LOC128092253: variants seen among roughly 807,000 people sequenced by gnomAD.
the LOC128092253 span, among the ~76,000 whole-genome samples, chr6:133,967,274 A>C: frequency 6.6e-6 from 1 of 152,242 alleles, no homozygotes; most frequent in Non-Finnish European, 1.5e-5. Flanking sequence ...CTGTAGAACA[A>C]GTGGGAGTGG....
chr6:133,970,935 C>T, the LOC128092253 span, among the ~76,000 whole-genome samples: 3 of 152,208 alleles, frequency 2.0e-5, no homozygotes, highest in Admixed American at 2.0e-4. Flanking sequence ...TTTATCATTT[C>T]TTTGTGGTAA....
the LOC128092253 span, among the ~76,000 whole-genome samples, chr6:133,978,221 G>A: frequency 6.6e-6 from 1 of 152,152 alleles, no homozygotes; most frequent in African/African-American, 2.4e-5. Context: ...GGGAAGTAGT[G>A]CTAAGAAATC....
chr6:133,970,841 G>T, the LOC128092253 span, among the ~76,000 whole-genome samples: 1 of 152,016 alleles, frequency 6.6e-6, no homozygotes, highest in Non-Finnish European at 1.5e-5. Flanking sequence ...ATTGACACAT[G>T]ATTGTACATA....
chr6:133,954,728 C>A, the LOC128092253 span, among the ~76,000 whole-genome samples: 1 of 152,140 alleles, frequency 6.6e-6, no homozygotes, highest in East Asian at 1.9e-4. Context: ...GTTTGTTCCC[C>A]ACCCCTTTTG....
the LOC128092253 span, among the ~76,000 whole-genome samples, chr6:133,966,068 CAGAG>C: frequency 3.4e-4 from 51 of 152,152 alleles, no homozygotes; most frequent in South Asian, 5.0e-3. Context: ...ACTTCAGAGA[CAGAG>C]AGAGACAGAA....
At chr6:133,975,866 A>G in the LOC128092253 span, among the ~76,000 whole-genome samples, 1 of 152,180 alleles carries the variant, frequency 6.6e-6, no homozygotes, top group Admixed American at 6.5e-5. Context: ...TTTAAGCTGA[A>G]TGATAGGTAC....
At chr6:133,969,251 C>CTTT in the LOC128092253 span, among the ~76,000 whole-genome samples, 53 of 122,540 alleles carry the variant, frequency 4.3e-4, no homozygotes, top group Non-Finnish European at 5.6e-4. Context: ...ATAAAATACA[C>CTTT]TTTTTTTTTT....
At chr6:133,963,677 T>C in the LOC128092253 span, among the ~76,000 whole-genome samples, 5 of 152,042 alleles carry the variant, frequency 3.3e-5, no homozygotes, top group Non-Finnish European at 7.4e-5. Context: ...CACCTTGGCC[T>C]CCCAAAGTGC....
the LOC128092253 span, among the ~76,000 whole-genome samples, chr6:133,962,812 C>T: frequency 1.3e-5 from 2 of 152,108 alleles, no homozygotes; most frequent in African/African-American, 4.8e-5. Flanking sequence ...AGTGTGTATA[C>T]AATTTCAGGG....
chr6:133,977,748 A>G, the LOC128092253 span, among the ~76,000 whole-genome samples: 1 of 151,706 alleles, frequency 6.6e-6, no homozygotes. Flanking sequence ...ATTAAGAAGA[A>G]CAGGGATAAT....
chr6:133,957,473 C>T, the LOC128092253 span, among the ~76,000 whole-genome samples: 1 of 152,186 alleles, frequency 6.6e-6, no homozygotes, highest in African/African-American at 2.4e-5. Context: ...GAACTTAAGT[C>T]TTACTTAAAA....
chr6:133,979,606 T>A, the LOC128092253 span, among the ~76,000 whole-genome samples: 1 of 152,198 alleles, frequency 6.6e-6, no homozygotes, highest in Non-Finnish European at 1.5e-5. Context: ...TCATGTTAGC[T>A]TTTTTAAAAA....
the LOC128092253 span, among the ~76,000 whole-genome samples, chr6:133,954,310 A>G: frequency 2.6e-5 from 4 of 152,192 alleles, no homozygotes; most frequent in African/African-American, 9.7e-5. Context: ...GACTTAAGAA[A>G]AGGGAGCAGG....
the LOC128092253 span, among the ~76,000 whole-genome samples, chr6:133,972,858 A>G: frequency 6.6e-6 from 1 of 152,180 alleles, no homozygotes; most frequent in African/African-American, 2.4e-5. Flanking sequence ...GGATAATAAT[A>G]TTTAATCCTT....
the LOC128092253 span, chr6:133,979,954 T>G: frequency 1.4e-6 from 1 of 737,146 alleles, no homozygotes; most frequent in Non-Finnish European, 1.9e-6. Context: ...GCCAGGGACA[T>G]GATTTGATTC....
the LOC128092253 span, among the ~76,000 whole-genome samples, chr6:133,962,266 G>C: frequency 1.3e-5 from 2 of 152,194 alleles, no homozygotes; most frequent in Admixed American, 6.5e-5. Context: ...TCTTCAGATA[G>C]GGAGACAATT....
chr6:133,977,564 A>G, the LOC128092253 span, among the ~76,000 whole-genome samples: 1 of 152,218 alleles, frequency 6.6e-6, no homozygotes, highest in Non-Finnish European at 1.5e-5. Context: ...TGATATAAAA[A>G]CAAGTAAAAT....
chr6:133,975,263 A>G, the LOC128092253 span, among the ~76,000 whole-genome samples: 1 of 152,024 alleles, frequency 6.6e-6, no homozygotes, highest in Non-Finnish European at 1.5e-5. Context: ...TTAAAAGATT[A>G]TTAAGACAAC....
the LOC128092253 span, among the ~76,000 whole-genome samples, chr6:133,960,919 T>C: frequency 1.3e-5 from 2 of 152,248 alleles, no homozygotes; most frequent in Non-Finnish European, 2.9e-5. Context: ...TGTGTTTTAA[T>C]TAAAATAATT....
Sources: gnomAD v4.1 joint callset for allele counts (sites outside exome capture counted in the v4.1 genomes callset) on GRCh38, gnomAD v4.1.1 for gene constraint, MANE v1.5 for transcripts.